ABTB2: variants seen among roughly 807,000 people sequenced by gnomAD.
ABTB2 encodes ankyrin repeat and BTB domain containing 2.
Under a neutral mutation model 104.1 loss-of-function variants are expected in ABTB2, and 56 were observed. The observed-to-expected ratio is 0.54, with a 90% CI of 0.43 to 0.67. ABTB2 has a LOEUF of 0.67. Ranked by LOEUF, ABTB2 falls within the 30% of genes least tolerant of loss-of-function variation. The probability of loss-of-function intolerance (pLI) is 0.00; values close to 1 mark genes in which losing one functional copy is unlikely to be tolerated. For missense variants in ABTB2, 1,279 were observed against 1,407.7 expected (o/e 0.91, Z 1.46); for synonymous variants, 606 against 608.2 (o/e 1.00, Z 0.05).
chr11:34,340,283 A>G (rs570019217), intron 1 of ABTB2, among the ~76,000 whole-genome samples: 1 of 152,356 alleles, frequency 6.6e-6, no homozygotes, highest in African/African-American at 2.4e-5. Flanking sequence ...ATTGCTGGGA[A>G]GCAACAATAA....
intron 10 of ABTB2, 95 bp from the exon 11 acceptor site, chr11:34,161,176 C>G (rs1332739920): frequency 2.3e-6 from 3 of 1,309,960 alleles, no homozygotes; most frequent in Non-Finnish European, 3.1e-6. Flanking sequence ...TCTCGGGATG[C>G]CCCCGCTGTC....
intron 1 of ABTB2, among the ~76,000 whole-genome samples, chr11:34,311,643 C>CT (rs1473675325): frequency 1.3e-5 from 2 of 152,164 alleles, no homozygotes; most frequent in Non-Finnish European, 2.9e-5. Flanking sequence ...AGTATAAAAT[C>CT]TTTTTTGAAA....
At chr11:34,320,122 A>G (rs1854983497) in intron 1 of ABTB2, among the ~76,000 whole-genome samples, 1 of 152,162 alleles carries the variant, frequency 6.6e-6, no homozygotes, top group Admixed American at 6.5e-5. Flanking sequence ...GAAACATACT[A>G]ATCTATTAGC....
intron 1 of ABTB2, among the ~76,000 whole-genome samples, chr11:34,301,868 T>A (rs1171807511): frequency 2.6e-5 from 4 of 152,122 alleles, no homozygotes; most frequent in African/African-American, 9.7e-5. Flanking sequence ...ATGCCTGTGG[T>A]CCTAGCTACT....
intron 3 of ABTB2, among the ~76,000 whole-genome samples, chr11:34,177,300 T>A (rs1482481047): frequency 6.6e-6 from 1 of 152,204 alleles, no homozygotes; most frequent in Non-Finnish European, 1.5e-5. Flanking sequence ...AAATGCAGTA[T>A]TGATAGTCCT....
chr11:34,267,779 T>C (rs559283637), intron 1 of ABTB2, among the ~76,000 whole-genome samples: 3 of 142,866 alleles, frequency 2.1e-5, no homozygotes, highest in Admixed American at 6.9e-5. Flanking sequence ...CCTTATTAAA[T>C]TGCCTTGCAC....
rs1852542397 is a variant in ABTB2, at chr11:34,151,761, A to G, written c.*626T>C. On this transcript the variant is annotated 3_prime_UTR_variant, in exon 17 of 17. Coordinates refer to ENST00000435224, the MANE Select transcript of ABTB2 (RefSeq NM_145804.3). ...GAGGGACTCTGGAAGCCCAGGCACC[A>G]AAGACAATGGGGGAACTCCGGGTGG... 6.5e-6 allele frequency: 1 copy of G among 152,994 alleles called. No individual in the cohort carries two copies. The allele number at this position is 152,994 out of a possible 1,614,324, so 9.5% of individuals were successfully genotyped here.
chr11:34,199,912 C>T (rs1182174590), intron 2 of ABTB2, among the ~76,000 whole-genome samples: 1 of 152,146 alleles, frequency 6.6e-6, no homozygotes, highest in Non-Finnish European at 1.5e-5. Context: ...CTACGGGCCG[C>T]CTCCTGTGGA....
At chr11:34,236,325 A>G (rs1287340505) in intron 1 of ABTB2, among the ~76,000 whole-genome samples, 2 of 152,150 alleles carry the variant, frequency 1.3e-5, no homozygotes, top group Non-Finnish European at 2.9e-5. Context: ...CTCTTGTTGT[A>G]GAAGGGTAGA....
At chr11:34,298,472 A>T (rs1172383448) in intron 1 of ABTB2, among the ~76,000 whole-genome samples, 1 of 151,724 alleles carries the variant, frequency 6.6e-6, no homozygotes, top group Non-Finnish European at 1.5e-5. Flanking sequence ...TTAAAAAAAA[A>T]ATTATTTTGG....
At chr11:34,281,231 TA>T (rs1185160688) in intron 1 of ABTB2, among the ~76,000 whole-genome samples, 1 of 152,198 alleles carries the variant, frequency 6.6e-6, no homozygotes, top group Non-Finnish European at 1.5e-5. Flanking sequence ...AAGGGTTCTC[TA>T]AGACCTTCCC....
chr11:34,316,360 T>C (rs1854930580), intron 1 of ABTB2, among the ~76,000 whole-genome samples: 2 of 152,220 alleles, frequency 1.3e-5, no homozygotes, highest in African/African-American at 4.8e-5. Context: ...CTCCTCACAG[T>C]AGGTTAGCAC....
intron 1 of ABTB2, among the ~76,000 whole-genome samples, chr11:34,288,660 G>A (rs931583297): frequency 2.0e-5 from 3 of 151,992 alleles, no homozygotes; most frequent in South Asian, 2.1e-4. Flanking sequence ...GAGCTCACAG[G>A]CCCACCGGGA....
intron 12 of ABTB2, 96 bp downstream of exon 12, chr11:34,160,152 T>C: frequency 1.5e-6 from 2 of 1,345,172 alleles, no homozygotes; most frequent in Admixed American, 1.9e-5. Flanking sequence ...GCCTTGGCGC[T>C]TGGAAATGGA....
intron 1 of ABTB2, among the ~76,000 whole-genome samples, chr11:34,258,767 AT>A (rs1344176950): frequency 6.6e-6 from 1 of 151,808 alleles, no homozygotes; most frequent in African/African-American, 2.4e-5. Flanking sequence ...TGCCCAGCTA[AT>A]TTTTGTATTT....
intron 1 of ABTB2, among the ~76,000 whole-genome samples, chr11:34,287,183 T>C (rs1226087978): frequency 7.0e-6 from 1 of 142,378 alleles, no homozygotes; most frequent in African/African-American, 2.6e-5. Flanking sequence ...CTTGTCTTTA[T>C]TGAAAAAAAA....
chr11:34,351,510 G>T (rs1810506), intron 1 of ABTB2, among the ~76,000 whole-genome samples: 23,915 of 152,058 alleles, frequency 0.16, 3,284 homozygotes, highest in African/African-American at 0.36. Flanking sequence ...CTGCTAGAAA[G>T]CAGGGTACCC....
rs570024563 is a variant in ABTB2, at chr11:34,356,476, G to A, written c.883+225C>T. ...AGCCCGCAGATAGTAACAATGCCAC[G>A]CAGAACAGGATGGAGATCATTCACA... On this transcript the variant is annotated intron_variant, in intron 1 of 16. Transcript: ENST00000435224. This position sits in a 1 kb window ranked among gnomAD's most constrained non-coding sequence, Gnocchi z 4.6. 3.3e-5 allele frequency among the ~76,000 whole-genome samples: 5 copies of A among 152,196 alleles called. No individual in the cohort carries two copies. Among genetic ancestry groups the A allele is most frequent in the Admixed American group, 3.3e-4 (5 of 15,268 alleles).
chr11:34,355,795 C>A (rs1855458759), intron 1 of ABTB2, among the ~76,000 whole-genome samples: 1 of 152,148 alleles, frequency 6.6e-6, no homozygotes. Flanking sequence ...ATGTCACACC[C>A]CCTAACATTG....
Sources: gnomAD v4.1 joint callset for allele counts (sites outside exome capture counted in the v4.1 genomes callset) on GRCh38, gnomAD v4.1.1 for gene constraint, Gnocchi (gnomAD v3.1) non-coding constraint, MANE v1.5 for transcripts, NCBI Gene and HGNC (gene_info 2026-07-23, HGNC 2026-07-21) for gene names.